The following MAGI1 variants were observed in gnomAD, a reference collection of about 807,000 sequenced individuals.
The protein encoded by MAGI1 is membrane-associated guanylate kinase, WW and PDZ domain-containing protein 1.
MAGI1 carries 58 observed loss-of-function variants against 139.9 expected under a neutral mutation model. The observed-to-expected ratio is 0.41, with a 90% CI of 0.34 to 0.52. The LOEUF is 0.52. Among genes scored for constraint, MAGI1 ranks in the 20% least tolerant of loss-of-function variants. The pLI, the probability that MAGI1 is intolerant of heterozygous loss-of-function variation, is 0.12. For missense variants in MAGI1, 1,874 were observed against 1,901.6 expected (o/e 0.99, Z 0.27); for synonymous variants, 812 against 737.9 (o/e 1.10, Z -1.63).
intron 1 of MAGI1, among the ~76,000 whole-genome samples, chr3:65,648,308 TGTGTGTGTGC>T (rs1199118448): frequency 6.7e-6 from 1 of 150,278 alleles, no homozygotes; most frequent in Non-Finnish European, 1.5e-5. Context: ...TGTGTGTGTG[TGTGTGTGTGC>T]GCGTGCGCGT....
At chr3:65,433,142 A>G (rs967402372) in intron 10 of MAGI1, among the ~76,000 whole-genome samples, 4 of 152,160 alleles carry the variant, frequency 2.6e-5, no homozygotes, top group Admixed American at 1.3e-4. Flanking sequence ...ATTGTCTGGT[A>G]CATTTTATGT....
At chr3:66,030,694 A>C (rs990462708) in intron 1 of MAGI1, among the ~76,000 whole-genome samples, 2 of 152,184 alleles carry the variant, frequency 1.3e-5, no homozygotes, top group African/African-American at 4.8e-5. Context: ...GGGCACTAGC[A>C]GGCAGGACAG....
intron 1 of MAGI1, among the ~76,000 whole-genome samples, chr3:65,851,592 T>C (rs1300671531): frequency 6.6e-6 from 1 of 151,984 alleles, no homozygotes; most frequent in Non-Finnish European, 1.5e-5. Context: ...CTACTAAAAA[T>C]ACAAAAATTA....
intron 8 of MAGI1, among the ~76,000 whole-genome samples, chr3:65,442,428 T>G (rs1034200679): frequency 2.0e-5 from 3 of 152,148 alleles, no homozygotes; most frequent in Non-Finnish European, 4.4e-5. Context: ...AATCAGATAC[T>G]CCTTGTAAAG....
intron 1 of MAGI1, among the ~76,000 whole-genome samples, chr3:65,712,168 G>C (rs1443358887): frequency 1.3e-5 from 2 of 152,078 alleles, no homozygotes; most frequent in Admixed American, 1.3e-4. Context: ...TGGGCTCTTA[G>C]ACTTGACCCA....
intron 1 of MAGI1, among the ~76,000 whole-genome samples, chr3:65,797,642 G>A (rs746142059): frequency 4.5e-4 from 69 of 152,170 alleles, no homozygotes; most frequent in Admixed American, 9.2e-4. Context: ...CCTGAGCCTT[G>A]GAGTTCGAAG....
In MAGI1 at chr3:65,375,733, G is replaced by T. The variant is rs1472897941; in HGVS notation, c.3196+12C>A. 1 of 1,581,084 alleles carries T rather than the reference G, an allele frequency of 6.3e-7. No homozygotes were observed. Among genetic ancestry groups the T allele is most frequent in the Non-Finnish European group, 8.7e-7 (1 of 1,150,630 alleles). ...AAGAGAGAGAGAGAGAGAGATAATA[G>T]GTATACTTTACCATCCCCAGGAATG... On this transcript the variant is annotated intron_variant, in intron 18 of 22. Transcript: ENST00000402939.
rs116203970 is a variant in MAGI1 at position 65,972,075 on chromosome 3, C to T, written c.313+65921G>A. On this transcript the variant is annotated intron_variant, in intron 1 of 22. Transcript: ENST00000402939. ...CTTGGGCAAGGCTTGCTCAGGCCCACCTTCCTCCAGCCTGGCAGCCTGACT... is the reference window on the plus strand; with the variant it reads ...CTTGGGCAAGGCTTGCTCAGGCCCATCTTCCTCCAGCCTGGCAGCCTGACT... Among the ~76,000 whole-genome samples, 280 of 152,294 alleles carry T rather than the reference C, an allele frequency of 1.8e-3. 2 individuals carry two copies. The highest frequency in any genetic ancestry group is 2.9e-3 in the Non-Finnish European group (194 of 68,016).
At chr3:65,440,428 A>C (rs1411657294) in intron 8 of MAGI1, among the ~76,000 whole-genome samples, 1 of 152,122 alleles carries the variant, frequency 6.6e-6, no homozygotes, top group South Asian at 2.1e-4. Flanking sequence ...CCCACTCCAA[A>C]TGTCCAAGAT....
intron 12 of MAGI1, among the ~76,000 whole-genome samples, chr3:65,410,319 C>CA (rs1357399305): frequency 1.3e-5 from 2 of 152,178 alleles, no homozygotes; most frequent in African/African-American, 4.8e-5. Flanking sequence ...TTCGTACCTG[C>CA]ACTCTAAGTA....
chr3:65,843,794 T>G, intron 1 of MAGI1: 1 of 178,482 alleles, frequency 5.6e-6, no homozygotes. Flanking sequence ...AAACTTTTAG[T>G]CCAGTTTCAA....
intron 1 of MAGI1, among the ~76,000 whole-genome samples, chr3:65,867,326 G>A (rs1310884521): frequency 1.3e-5 from 2 of 152,144 alleles, no homozygotes; most frequent in Non-Finnish European, 2.9e-5. Flanking sequence ...TTCCTGGCAC[G>A]CTGTTGGCAG....
chr3:65,393,653 T>C (rs1234595787), intron 13 of MAGI1, among the ~76,000 whole-genome samples: 1 of 152,202 alleles, frequency 6.6e-6, no homozygotes, highest in Non-Finnish European at 1.5e-5. Flanking sequence ...GAGAGTGGCA[T>C]GCCTCCCTTC....
intron 13 of MAGI1, among the ~76,000 whole-genome samples, chr3:65,400,200 T>C (rs997827577): frequency 2.6e-5 from 4 of 152,206 alleles, no homozygotes; most frequent in African/African-American, 9.6e-5. Context: ...CTTTTCTGCC[T>C]GGACGTTAAC....
chr3:65,697,598 A>G (rs2089312320), intron 1 of MAGI1, among the ~76,000 whole-genome samples: 1 of 99,816 alleles, frequency 1.0e-5, no homozygotes. Flanking sequence ...GTAATCCAGC[A>G]TATAAACAGA....
At position 65,780,043 on chromosome 3, in the gene MAGI1, G is replaced by A. The variant is rs937235039; in HGVS notation, c.314-157955C>T. On this transcript the variant is annotated intron_variant, in intron 1 of 22. Transcript: ENST00000402939. ...TTTTTGGGGGGGGAAGGGCAGGGGG[G>A]ACATCATCTCACTCTGTGGCCCAGG... Among the ~76,000 whole-genome samples, 4 of 140,162 alleles carry A rather than the reference G, an allele frequency of 2.9e-5. No homozygotes were observed. The South Asian group carries it at 7.9e-4, about 28-fold the overall frequency. 92.0% of individuals were successfully genotyped at this position (140,162 alleles called of 152,430 possible).
chr3:66,013,797 T>C (rs2067475414), intron 1 of MAGI1, among the ~76,000 whole-genome samples: 1 of 150,014 alleles, frequency 6.7e-6, no homozygotes, highest in East Asian at 2.0e-4. Flanking sequence ...AATGCAAACA[T>C]CCCCACTAGG....
chr3:65,815,763 C>A (rs1478788227), intron 1 of MAGI1, among the ~76,000 whole-genome samples: 1 of 151,948 alleles, frequency 6.6e-6, no homozygotes, highest in Non-Finnish European at 1.5e-5. Flanking sequence ...GATTCATATA[C>A]CTTATCTTAA....
At chr3:65,862,247 C>T (rs2059580753) in intron 1 of MAGI1, among the ~76,000 whole-genome samples, 1 of 152,184 alleles carries the variant, frequency 6.6e-6, no homozygotes, top group South Asian at 2.1e-4. Flanking sequence ...CAAGCTACCC[C>T]ATAAGCTCAG....
Sources: allele counts gnomAD v4.1 joint callset (sites outside exome capture counted in the v4.1 genomes callset), GRCh38; gene constraint gnomAD v4.1.1; transcripts MANE v1.5; gene names NCBI Gene and HGNC (gene_info 2026-07-23, HGNC 2026-07-21).